The following PAK2 variants were observed in gnomAD, a reference collection of about 807,000 sequenced individuals.
PAK2 encodes p21 (RAC1) activated kinase 2.
Under a neutral mutation model 65.9 loss-of-function variants are expected in PAK2, and 21 were observed. That is an observed-to-expected ratio of 0.32 (90% confidence interval 0.23 to 0.46). The LOEUF is 0.46. PAK2 is among the 20% of genes least tolerant of loss of function. The pLI is 1.00. For missense variants in PAK2, 324 were observed against 642.6 expected (o/e 0.50, Z 5.36); for synonymous variants, 204 against 219.7 (o/e 0.93, Z 0.63).
intron 1 of PAK2, among the ~76,000 whole-genome samples, chr3:196,770,645 C>T (rs1714330120): frequency 6.6e-6 from 1 of 151,978 alleles, no homozygotes; most frequent in Non-Finnish European, 1.5e-5. Flanking sequence ...ATTTTAAAGA[C>T]AGAGTCCAGC....
Position 196,832,625 on chromosome 3 carries a change from G to T in PAK2, c.*4220G>T, listed in dbSNP as rs1712128346. The T allele has an allele frequency of 6.6e-6, 1 of 151,380 alleles. No homozygotes were observed. Among genetic ancestry groups the T allele is most frequent in the Admixed American group, 6.6e-5 (1 of 15,182 alleles). 9.4% of individuals were successfully genotyped at this position (151,380 alleles called of 1,614,324 possible). On this transcript the variant is annotated 3_prime_UTR_variant, in exon 15 of 15. Transcript: ENST00000327134. ...TCAAAGAACATTTAGTATTTTTAGT[G>T]ATAAATGTTTTAAACCTTTTAATGG... is the stretch of plus-strand genomic sequence containing the variant.
intron 2 of PAK2, among the ~76,000 whole-genome samples, chr3:196,796,376 G>T (rs1321427110): frequency 6.6e-6 from 1 of 152,182 alleles, no homozygotes; most frequent in African/African-American, 2.4e-5. Context: ...AGCAGAACAG[G>T]CAAAAGCTAT....
chr3:196,825,173 C>A (rs754428670), intron 13 of PAK2, among the ~76,000 whole-genome samples: 2 of 150,552 alleles, frequency 1.3e-5, no homozygotes, highest in South Asian at 2.1e-4. Context: ...TGGTGAAACC[C>A]CACCTCTACT....
chr3:196,804,193 T>C (rs1424985985), intron 4 of PAK2, among the ~76,000 whole-genome samples: 1 of 152,216 alleles, frequency 6.6e-6, no homozygotes, highest in Non-Finnish European at 1.5e-5. Flanking sequence ...TGGTTTTAAT[T>C]GATTTTACTT....
Position 196,827,199 on chromosome 3 carries a change from T to C in PAK2, c.1354T>C (p.Leu452=). ...PYLNENPLRA[L]YLIATNGTPE... ...AAAGATGTTCTTCTATTTTTAGGCC[T>C]TGTACCTAATAGCAACTAATGGAAC... The change falls in exon 14 of 15, where the codon TTG becomes CTG. Residue 452 remains leucine, a synonymous_variant. Coordinates refer to ENST00000327134, the MANE Select transcript of PAK2 (RefSeq NM_002577.4). 1 of 1,600,856 alleles carries C rather than the reference T, an allele frequency of 6.2e-7. No individual in the cohort carries two copies. The highest frequency in any genetic ancestry group is 8.5e-7 in the Non-Finnish European group (1 of 1,170,636).
intron 1 of PAK2, among the ~76,000 whole-genome samples, chr3:196,759,060 G>A (rs563973234): frequency 6.6e-6 from 1 of 152,282 alleles, no homozygotes; most frequent in African/African-American, 2.4e-5. Context: ...TAATCCAGAT[G>A]CCTGTCTTCA....
intron 1 of PAK2, among the ~76,000 whole-genome samples, chr3:196,758,935 G>C (rs1406421843): frequency 1.3e-5 from 2 of 152,134 alleles, no homozygotes; most frequent in Non-Finnish European, 1.5e-5. Context: ...TGGCATTACA[G>C]GCATGAGCCA....
chr3:196,769,211 C>T (rs1282003899), intron 1 of PAK2, among the ~76,000 whole-genome samples: 1 of 151,640 alleles, frequency 6.6e-6, no homozygotes, highest in Non-Finnish European at 1.5e-5. Flanking sequence ...CCTGTGGTGC[C>T]AACCACTCGG....
chr3:196,830,646 A>G lies in PAK2; in HGVS notation c.*2241A>G, dbSNP rs1355648804. ...TGCGACTTCTTCGATAGTTACCTGC[A>G]CGTCCATTGCTGGCAACTGACTTGT... On this transcript the variant is annotated 3_prime_UTR_variant, in exon 15 of 15. Transcript: ENST00000327134. 1 of 152,214 alleles carries G rather than the reference A, an allele frequency of 6.6e-6. No homozygotes were observed. Among genetic ancestry groups the G allele is most frequent in the Non-Finnish European group, 1.5e-5 (1 of 68,028 alleles). 9.4% of individuals were successfully genotyped at this position (152,214 alleles called of 1,614,324 possible). A position where few individuals can be genotyped will look rare whatever the true frequency, so the allele number is the denominator to read the frequency against.
rs1078098 is a variant in PAK2, at chr3:196,820,906, C to T, written c.1350+339C>T. 6.1e-3 allele frequency among the ~76,000 whole-genome samples: 936 copies of T among 152,254 alleles called. 4 individuals are homozygous for T. Among genetic ancestry groups the T allele is most frequent in the Middle Eastern group, 0.014 (4 of 294 alleles). On this transcript the variant is annotated intron_variant, in intron 13 of 14. Coordinates refer to ENST00000327134, the MANE Select transcript of PAK2 (RefSeq NM_002577.4). The surrounding 1 kb of genome is among the most constrained non-coding windows in gnomAD (Gnocchi z 4.6). ...CTATTCTAGAATGCAGTGGCGCAAT[C>T]TCAGCTCACTGCAACCGCCACCTCC... is the stretch of plus-strand genomic sequence containing the variant.
chr3:196,763,212 T>C (rs1299701908), intron 1 of PAK2, among the ~76,000 whole-genome samples: 1 of 152,176 alleles, frequency 6.6e-6, no homozygotes, highest in African/African-American at 2.4e-5. Context: ...GTTGGACATC[T>C]GCCCTTTAGG....
chr3:196,762,760 A>C (rs1714027033), intron 1 of PAK2, among the ~76,000 whole-genome samples: 2 of 150,780 alleles, frequency 1.3e-5, no homozygotes, highest in Non-Finnish European at 2.9e-5. Flanking sequence ...GTGCCATTGC[A>C]CTCCAGCCTG....
In PAK2 at chr3:196,751,155, G is replaced by A. The variant is rs570185876; in HGVS notation, c.-22+10998G>A. On this transcript the variant is annotated intron_variant, in intron 1 of 14. Coordinates refer to ENST00000327134, the MANE Select transcript of PAK2 (RefSeq NM_002577.4). Reference sequence around the variant, plus strand: ...TGCAATGTTTGTCCTTTTGTGTCTCGCTCATTATTTCATGTAGCGCAGTAT... The same window carrying A: ...TGCAATGTTTGTCCTTTTGTGTCTCACTCATTATTTCATGTAGCGCAGTAT... 7.9e-5 allele frequency among the ~76,000 whole-genome samples: 12 copies of A among 151,984 alleles called. No homozygotes were observed. In the East Asian group the frequency reaches 1.9e-3, roughly 24 times the overall value.
At chr3:196,783,662 G>A (rs4916546) in intron 2 of PAK2, among the ~76,000 whole-genome samples, 19,988 of 151,378 alleles carry the variant, frequency 0.13, 1,495 homozygotes, top group Middle Eastern at 0.18. Flanking sequence ...AATTTTATCA[G>A]TACCTCTGAA....
chr3:196,766,639 C>G (rs1714178211), intron 1 of PAK2, among the ~76,000 whole-genome samples: 1 of 151,964 alleles, frequency 6.6e-6, no homozygotes, highest in African/African-American at 2.4e-5. Context: ...GTTCCAAAAG[C>G]GAATATACCA....
In PAK2 at chr3:196,756,835, C is replaced by CT. The variant is rs1553800485; in HGVS notation, c.-22+16678_-22+16679insT. Among the ~76,000 whole-genome samples the CT allele has an allele frequency of 2.6e-5, 4 of 152,112 alleles. No individual in the cohort carries two copies. The South Asian group carries it at 6.2e-4, about 24-fold the overall frequency. ...TGGGTGACAGAGCAAGATTCCATCTCAAAAAAGAAAGAAAGAAACAAAATG... is the reference window on the plus strand; with the variant it reads ...TGGGTGACAGAGCAAGATTCCATCTCTAAAAAAGAAAGAAAGAAACAAAATG... On this transcript the variant is annotated intron_variant, in intron 1 of 14. Transcript: ENST00000327134.
chr3:196,782,870 G>T (rs767038103), intron 2 of PAK2, 37 bp downstream of exon 2: 7 of 1,404,382 alleles, frequency 5.0e-6, no homozygotes, highest in Admixed American at 3.9e-5. Context: ...TCTCAGCATT[G>T]GTTTATTATT....
chr3:196,829,938 T>C lies in PAK2; in HGVS notation c.*1533T>C, dbSNP rs1129168. 112,003 of 151,472 alleles carry C rather than the reference T, an allele frequency of 0.74. 42,725 individuals are homozygous for C. The highest frequency in any genetic ancestry group is 0.93 in the African/African-American group (38,213 of 41,280). The allele number at this position is 151,472 out of a possible 1,614,324, so 9.4% of individuals were successfully genotyped here. A position where few individuals can be genotyped will look rare whatever the true frequency, so the allele number is the denominator to read the frequency against. ...TCTCTTCTCTTTTTTCCTCTCCTCT[T>C]CTTCTCCTTTATTCATTGTTTTGCT... On this transcript the variant is annotated 3_prime_UTR_variant, in exon 15 of 15. Coordinates refer to ENST00000327134, the MANE Select transcript of PAK2 (RefSeq NM_002577.4).
chr3:196,751,674 C>CACATATATATATATATATATATATATAT (rs1250574181), intron 1 of PAK2, among the ~76,000 whole-genome samples: 11 of 71,818 alleles, frequency 1.5e-4, no homozygotes, highest in African/African-American at 8.3e-4. Flanking sequence ...TATTTATATA[C>CACATATATATATATATATATATATATAT]ATATATATAT....
Sources: gnomAD v4.1 joint callset for allele counts (sites outside exome capture counted in the v4.1 genomes callset) on GRCh38, gnomAD v4.1.1 for gene constraint, Gnocchi (gnomAD v3.1) non-coding constraint, MANE v1.5 for transcripts, NCBI Gene and HGNC (gene_info 2026-07-23, HGNC 2026-07-21) for gene names.